CNTNAP2: variants seen among roughly 807,000 people sequenced by gnomAD.
CNTNAP2 encodes the protein contactin associated protein 2, also known as contactin-associated protein-like 2.
Under a neutral mutation model 155.2 loss-of-function variants are expected in CNTNAP2, and 98 were observed. The observed-to-expected ratio is 0.63, with a 90% CI of 0.54 to 0.75. The LOEUF is 0.75. CNTNAP2 is among the 30% of genes least tolerant of loss of function. The pLI is 0.00. For synonymous variants in CNTNAP2, 651 were observed against 631.2 expected (o/e 1.03, Z -0.47); for missense variants, 1,727 against 1,688.1 (o/e 1.02, Z -0.40).
intron 1 of CNTNAP2, among the ~76,000 whole-genome samples, chr7:146,356,624 A>G (rs767978795): frequency 3.3e-5 from 5 of 152,192 alleles, no homozygotes; most frequent in Non-Finnish European, 7.4e-5. Flanking sequence ...CTTATTAAGA[A>G]AGAAAATGAT....
intron 1 of CNTNAP2, among the ~76,000 whole-genome samples, chr7:146,203,832 A>T (rs868236298): frequency 6.6e-6 from 1 of 152,264 alleles, no homozygotes; most frequent in Middle Eastern, 3.4e-3. Context: ...TAGGAATCAT[A>T]TGCCAAAAAC....
intron 14 of CNTNAP2, among the ~76,000 whole-genome samples, chr7:147,953,767 G>T (rs1017004301): frequency 6.6e-6 from 1 of 152,096 alleles, no homozygotes; most frequent in African/African-American, 2.4e-5. Context: ...GTGGTTGCCG[G>T]AAACCCTTGG....
intron 1 of CNTNAP2, among the ~76,000 whole-genome samples, chr7:146,497,143 C>A (rs367623308): frequency 1.3e-5 from 2 of 152,184 alleles, no homozygotes; most frequent in Admixed American, 1.3e-4. Context: ...CACCTACTTA[C>A]CACTTCTACT....
Position 147,168,885 on chromosome 7 carries a change from T to C in CNTNAP2, c.1348+36376T>C, listed in dbSNP as rs569171800. Among the ~76,000 whole-genome samples the C allele has an allele frequency of 7.3e-4, 111 of 152,256 alleles. 1 individual carries two copies. Among genetic ancestry groups the C allele is most frequent in the Non-Finnish European group, 1.4e-3 (96 of 67,990 alleles). ...AGCAATGGAAAAAGCAAAAGTATAG[T>C]CAGCATTCTGTATCATATATGACAT... On this transcript the variant is annotated intron_variant, in intron 8 of 23. Transcript: ENST00000361727.
At chr7:146,647,275 C>T (rs1799830712) in intron 1 of CNTNAP2, among the ~76,000 whole-genome samples, 1 of 152,042 alleles carries the variant, frequency 6.6e-6, no homozygotes, top group South Asian at 2.1e-4. Flanking sequence ...CTTTCCTCAC[C>T]CCATTTCCTT....
intron 1 of CNTNAP2, 167 bp downstream of exon 1, chr7:146,117,140 G>C: frequency 1.6e-6 from 1 of 627,936 alleles, no homozygotes; most frequent in South Asian, 1.9e-5. Flanking sequence ...TCGAAACCCA[G>C]CGTTTCTGTT....
intron 15 of CNTNAP2, among the ~76,000 whole-genome samples, chr7:148,091,743 T>G (rs542869746): frequency 1.3e-5 from 2 of 152,304 alleles, no homozygotes; most frequent in East Asian, 3.9e-4. Context: ...TATTGAACTG[T>G]TTCCATGGAA....
chr7:146,347,512 C>G (rs1052078868), intron 1 of CNTNAP2, among the ~76,000 whole-genome samples: 1 of 152,154 alleles, frequency 6.6e-6, no homozygotes, highest in Non-Finnish European at 1.5e-5. Flanking sequence ...TTAAAAAATG[C>G]TTACAATAAG....
intron 1 of CNTNAP2, among the ~76,000 whole-genome samples, chr7:146,500,700 G>A (rs1008957185): frequency 1.2e-4 from 18 of 152,092 alleles, no homozygotes; most frequent in Admixed American, 2.6e-4. Context: ...TTCTAATTTC[G>A]GTACCTTTGA....
At chr7:146,983,788 C>A (rs1010851753) in intron 3 of CNTNAP2, among the ~76,000 whole-genome samples, 1 of 152,006 alleles carries the variant, frequency 6.6e-6, no homozygotes, top group East Asian at 1.9e-4. Context: ...TTGTTTGTCA[C>A]CATCAGAAGG....
chr7:148,169,513 G>A (rs1378921571), intron 17 of CNTNAP2, among the ~76,000 whole-genome samples: 1 of 152,148 alleles, frequency 6.6e-6, no homozygotes, highest in Non-Finnish European at 1.5e-5. Flanking sequence ...TTTTCATAAA[G>A]ATTATATTAT....
intron 12 of CNTNAP2, among the ~76,000 whole-genome samples, chr7:147,617,922 G>T (rs1291515233): frequency 6.6e-6 from 1 of 152,078 alleles, no homozygotes; most frequent in Non-Finnish European, 1.5e-5. Flanking sequence ...AGACTGCAAA[G>T]CTTTGAGTTT....
At chr7:146,207,337 C>T (rs762508684) in intron 1 of CNTNAP2, among the ~76,000 whole-genome samples, 18 of 152,094 alleles carry the variant, frequency 1.2e-4, no homozygotes, top group South Asian at 4.1e-4. Context: ...AAATCAATTA[C>T]TCTCTTGGAG....
intron 1 of CNTNAP2, among the ~76,000 whole-genome samples, chr7:146,414,311 T>C (rs376271801): frequency 2.1e-4 from 32 of 152,206 alleles, no homozygotes; most frequent in African/African-American, 7.7e-4. Flanking sequence ...AGATTACAGA[T>C]ACATGTTTTG....
At chr7:147,417,041 A>T (rs1485383775) in intron 10 of CNTNAP2, among the ~76,000 whole-genome samples, 1 of 150,646 alleles carries the variant, frequency 6.6e-6, no homozygotes, top group Non-Finnish European at 1.5e-5. Context: ...GTGAGCCGAG[A>T]TTGCGCCACT....
At chr7:146,911,483 T>A (rs574575922) in intron 3 of CNTNAP2, among the ~76,000 whole-genome samples, 2 of 152,070 alleles carry the variant, frequency 1.3e-5, no homozygotes, top group South Asian at 4.2e-4. Context: ...GCCATAAAAG[T>A]TGATGAGTTC....
intron 1 of CNTNAP2, among the ~76,000 whole-genome samples, chr7:146,565,148 T>TACAC (rs150089642): frequency 2.0e-5 from 3 of 150,078 alleles, no homozygotes; most frequent in African/African-American, 7.3e-5. Context: ...CACACACACA[T>TACAC]ACACACACAC....
chr7:146,247,741 C>T (rs368795697), intron 1 of CNTNAP2, among the ~76,000 whole-genome samples: 14 of 152,108 alleles, frequency 9.2e-5, no homozygotes, highest in South Asian at 6.2e-4. Context: ...GAAAATAAGA[C>T]GCTTAGATTT....
intron 1 of CNTNAP2, among the ~76,000 whole-genome samples, chr7:146,543,503 C>T (rs1056606151): frequency 1.3e-5 from 2 of 151,854 alleles, no homozygotes; most frequent in Non-Finnish European, 1.5e-5. Flanking sequence ...TGAAATCACA[C>T]ACCAGAGCGG....
Sources: allele counts gnomAD v4.1 joint callset (sites outside exome capture counted in the v4.1 genomes callset), GRCh38; gene constraint gnomAD v4.1.1; transcripts MANE v1.5; gene names NCBI Gene and HGNC (gene_info 2026-07-23, HGNC 2026-07-21).